Variants in CPEB1 observed in about 807,000 individuals in gnomAD.
CPEB1 encodes the protein cytoplasmic polyadenylation element-binding protein 1.
In CPEB1, 7 loss-of-function variants were observed where a neutral mutation model predicts 65.8. That is an observed-to-expected ratio of 0.11 (90% CI 0.06 to 0.20). The LOEUF (loss-of-function observed/expected upper bound fraction) is 0.20. Ranked by LOEUF, CPEB1 falls within the 10% of genes least tolerant of loss-of-function variation. The pLI is 1.00. For synonymous variants in CPEB1, 262 were observed against 260.0 expected (o/e 1.01, Z -0.08); for missense variants, 551 against 712.2 (o/e 0.77, Z 2.58).
At chr15:82,648,137 C>T (rs764103990), upstream of CPEB1, 2 of 351,832 alleles carry the variant, frequency 5.7e-6, no homozygotes, top group African/African-American at 2.1e-5. Flanking sequence ...GCCGCCCACC[C>T]GGAACCCGGC....
At chr15:82,644,187 G>A (rs1398594603) in intron 1 of CPEB1, among the ~76,000 whole-genome samples, 1 of 152,138 alleles carries the variant, frequency 6.6e-6, no homozygotes, top group African/African-American at 2.4e-5. Context: ...ACACTCAGAA[G>A]ACCCACACTG....
At chr15:82,597,942 G>A (rs1187589404) in intron 3 of CPEB1, among the ~76,000 whole-genome samples, 1 of 152,206 alleles carries the variant, frequency 6.6e-6, no homozygotes, top group Non-Finnish European at 1.5e-5. Context: ...TATAAAAGGA[G>A]TTACCTATAG....
chr15:82,575,151 A>G (rs28564198), intron 3 of CPEB1, among the ~76,000 whole-genome samples: 1 of 152,230 alleles, frequency 6.6e-6, no homozygotes, highest in African/African-American at 2.4e-5. Context: ...TCAAAAACCA[A>G]AGTTGAACCA....
chr15:82,633,997 G>A (rs1488028243), intron 1 of CPEB1, among the ~76,000 whole-genome samples: 1 of 151,314 alleles, frequency 6.6e-6, no homozygotes, highest in Non-Finnish European at 1.5e-5. Flanking sequence ...CACCTACTTT[G>A]CAGACTTCGT....
At chr15:82,619,614 A>C (rs1439141364) in intron 3 of CPEB1, among the ~76,000 whole-genome samples, 1 of 152,226 alleles carries the variant, frequency 6.6e-6, no homozygotes, top group Non-Finnish European at 1.5e-5. Flanking sequence ...AACCCTAAGA[A>C]AAATGAGTAT....
intron 3 of CPEB1, among the ~76,000 whole-genome samples, chr15:82,620,900 T>C (rs2045242419): frequency 6.6e-6 from 1 of 152,222 alleles, no homozygotes; most frequent in Non-Finnish European, 1.5e-5. Flanking sequence ...TGCCTCTACA[T>C]GTGACTAGTT....
intron 3 of CPEB1, among the ~76,000 whole-genome samples, chr15:82,610,888 G>A (rs1596102961): frequency 1.4e-5 from 2 of 140,544 alleles, no homozygotes; most frequent in Admixed American, 1.6e-4. Context: ...AACCCGGGAG[G>A]CAGAGGTTGT....
At chr15:82,645,155 G>A (rs2047400414) in intron 1 of CPEB1, among the ~76,000 whole-genome samples, 1 of 152,168 alleles carries the variant, frequency 6.6e-6, no homozygotes, top group Non-Finnish European at 1.5e-5. Flanking sequence ...GGGAAACCAA[G>A]TTTTGTTTTG....
chr15:82,562,270 T>C, intron 4 of CPEB1: 1 of 450,576 alleles, frequency 2.2e-6, no homozygotes, highest in Non-Finnish European at 4.4e-6. Context: ...TGATCTTCCC[T>C]ACCAGAAGTC....
Position 82,572,513 on chromosome 15 carries a change from T to C in CPEB1, c.272-981A>G, listed in dbSNP as rs533177910. On this transcript the variant is annotated intron_variant, in intron 3 of 12. Coordinates refer to ENST00000684509, the MANE Select transcript of CPEB1 (RefSeq NM_001365242.1). ...TAATCCCTGTGCCCAGGTTCCCTCA[T>C]CCCAACAAGATGGGTATTAGTCATG... is the stretch of plus-strand genomic sequence containing the variant. Among the ~76,000 whole-genome samples the C allele has an allele frequency of 1.8e-4, 27 of 152,140 alleles. No individual in the cohort carries two copies. In the South Asian group the frequency reaches 1.9e-3, roughly 11 times the overall value.
chr15:82,556,169 A>C, intron 5 of CPEB1, 47 bp from the exon 6 acceptor site: 5 of 1,528,900 alleles, frequency 3.3e-6, no homozygotes, highest in Non-Finnish European at 4.4e-6. Flanking sequence ...TAGTTTTGTT[A>C]TAAAGTAATA....
chr15:82,614,361 G>C (rs930370621), intron 3 of CPEB1, among the ~76,000 whole-genome samples: 4 of 152,144 alleles, frequency 2.6e-5, no homozygotes, highest in Non-Finnish European at 5.9e-5. Flanking sequence ...CTGTATAACT[G>C]ATTAAAATAT....
chr15:82,589,794 G>A (rs550922565), intron 3 of CPEB1, among the ~76,000 whole-genome samples: 4 of 152,014 alleles, frequency 2.6e-5, no homozygotes, highest in Admixed American at 2.0e-4. Flanking sequence ...TCAACCAACC[G>A]CAGATCAAAA....
At chr15:82,558,406 C>A (rs971779934) in intron 4 of CPEB1, among the ~76,000 whole-genome samples, 2 of 152,276 alleles carry the variant, frequency 1.3e-5, no homozygotes, top group South Asian at 4.1e-4. Flanking sequence ...GAATTCTCAC[C>A]TTTCTAATGC....
chr15:82,592,800 T>TCCG (rs1367113379), intron 3 of CPEB1, among the ~76,000 whole-genome samples: 3 of 151,744 alleles, frequency 2.0e-5, no homozygotes, highest in Non-Finnish European at 4.4e-5. Flanking sequence ...ATCGAGACCA[T>TCCG]CCGGGCTAAC....
At chr15:82,587,919 TTTTG>T (rs1165128253) in intron 3 of CPEB1, among the ~76,000 whole-genome samples, 1 of 111,062 alleles carries the variant, frequency 9.0e-6, no homozygotes, top group Non-Finnish European at 2.2e-5. Context: ...TTTTGTTTTG[TTTTG>T]TTTTTGTTTT....
intron 9 of CPEB1, among the ~76,000 whole-genome samples, chr15:82,550,921 G>A (rs978056028): frequency 1.6e-5 from 1 of 64,436 alleles, no homozygotes; most frequent in Admixed American, 1.2e-4. Context: ...CCTGTAAGGT[G>A]ATGGGAGGGA....
intron 3 of CPEB1, among the ~76,000 whole-genome samples, chr15:82,618,352 A>G (rs2044957799): frequency 6.6e-6 from 1 of 152,240 alleles, no homozygotes; most frequent in Non-Finnish European, 1.5e-5. Context: ...ACACATATGT[A>G]TATTCTCTCT....
At chr15:82,557,449 G>A (rs139815632) in intron 5 of CPEB1, 39 of 333,888 alleles carry the variant, frequency 1.2e-4, no homozygotes, top group South Asian at 4.6e-4. Flanking sequence ...TAAAGAAACA[G>A]AACACTGCCA....
Sources: gnomAD v4.1 joint callset for allele counts (sites outside exome capture counted in the v4.1 genomes callset) on GRCh38, gnomAD v4.1.1 for gene constraint, MANE v1.5 for transcripts, NCBI Gene and HGNC (gene_info 2026-07-23, HGNC 2026-07-21) for gene names.